The following PCGF6 variants were observed in gnomAD, a reference collection of about 807,000 sequenced individuals.
PCGF6 encodes polycomb group RING finger protein 6.
Under a neutral mutation model 45.5 loss-of-function variants are expected in PCGF6, and 24 were observed. The observed-to-expected ratio is 0.53, with a 90% CI of 0.38 to 0.74. The LOEUF is 0.74. Among genes scored for constraint, PCGF6 ranks in the 30% least tolerant of loss-of-function variants. The probability of loss-of-function intolerance (pLI) is 0.00; values close to 1 mark genes in which losing one functional copy is unlikely to be tolerated. For missense variants in PCGF6, 356 were observed against 443.2 expected (o/e 0.80, Z 1.77); for synonymous variants, 152 against 162.1 (o/e 0.94, Z 0.47).
intron 1 of PCGF6, 51 bp from the exon 2 acceptor site, chr10:103,349,050 A>AT: frequency 4.7e-6 from 7 of 1,484,284 alleles, no homozygotes; most frequent in South Asian, 1.2e-5. Flanking sequence ...CCTTTTACAA[A>AT]TTCTTTTTTT....
chr10:103,317,898 A>C (rs982726893), intron 8 of PCGF6, among the ~76,000 whole-genome samples: 1 of 151,724 alleles, frequency 6.6e-6, no homozygotes, highest in African/African-American at 2.4e-5. Context: ...AGCTGGGATT[A>C]CAGGCATGCA....
intron 6 of PCGF6, among the ~76,000 whole-genome samples, chr10:103,334,953 TCA>T (rs2093251465): frequency 6.6e-6 from 1 of 152,194 alleles, no homozygotes. Context: ...AAACTGAAAT[TCA>T]CACTCAGGTG....
intron 3 of PCGF6, 114 bp from the exon 4 acceptor site, chr10:103,347,564 G>A: frequency 2.5e-6 from 2 of 804,034 alleles, no homozygotes; most frequent in Non-Finnish European, 4.0e-6. Flanking sequence ...TCAGAGGTGA[G>A]TTACTTTTAA....
At chr10:103,343,832 C>A (rs866882415) in intron 6 of PCGF6, among the ~76,000 whole-genome samples, 85 of 32,454 alleles carry the variant, frequency 2.6e-3, no homozygotes, top group African/African-American at 6.9e-3. Context: ...AACTCTGTCT[C>A]AAAAAAAAAA....
At position 103,337,839 on chromosome 10, in the gene PCGF6, C is replaced by T. The variant is rs1450213618; in HGVS notation, c.783-3887G>A. ...CAGCACTTTGGGAGGCCGAGGCGGG[C>T]GGATCACGAGGTCAGGAGATCGAGA... On this transcript the variant is annotated intron_variant, in intron 6 of 9. Coordinates refer to ENST00000369847, the MANE Select transcript of PCGF6 (RefSeq NM_001011663.2). Among the ~76,000 whole-genome samples, 3 of 68,398 alleles carry T rather than the reference C, an allele frequency of 4.4e-5. 1 individual carries two copies. The highest frequency in any genetic ancestry group is 9.5e-5 in the Non-Finnish European group (3 of 31,414). The allele number at this position is 68,398 out of a possible 152,430, so 44.9% of individuals were successfully genotyped here. A position where few individuals can be genotyped will look rare whatever the true frequency, so the allele number is the denominator to read the frequency against.
intron 1 of PCGF6, among the ~76,000 whole-genome samples, chr10:103,349,338 G>A (rs866853072): frequency 6.6e-6 from 1 of 151,640 alleles, no homozygotes; most frequent in Non-Finnish European, 1.5e-5. Context: ...ATGAGCCACC[G>A]CGCTCAGTCC....
intron 8 of PCGF6, among the ~76,000 whole-genome samples, chr10:103,321,217 C>T (rs912642885): frequency 1.3e-5 from 2 of 152,068 alleles, no homozygotes; most frequent in East Asian, 1.9e-4. Context: ...CATGCACTGC[C>T]GCCTTGACCT....
intron 9 of PCGF6, among the ~76,000 whole-genome samples, chr10:103,306,102 C>CT (rs535887691): frequency 0.13 from 19,202 of 143,976 alleles, 1,270 homozygotes; most frequent in Middle Eastern, 0.19. Context: ...AGCAATCCAC[C>CT]TTTTTTTTTT....
rs188683814 is a variant in PCGF6, at chr10:103,326,385, T to C, written c.909+149A>G. 2.6e-3 allele frequency: 1,176 copies of C among 451,652 alleles called. 41 individuals are homozygous for C. The Admixed American group carries it at 0.051, about 20-fold the overall frequency. The allele number at this position is 451,652 out of a possible 1,614,324, so 28.0% of individuals were successfully genotyped here. On this transcript the variant is annotated intron_variant, in intron 8 of 9. Coordinates refer to ENST00000369847, the MANE Select transcript of PCGF6 (RefSeq NM_001011663.2). ...GCCTGGGCGACAGAGCAAGACTCCA[T>C]CTCAAAAAAAAAAAAAAAAAACAAT... is the stretch of plus-strand genomic sequence containing the variant.
At chr10:103,324,590 T>C (rs992958244) in intron 8 of PCGF6, among the ~76,000 whole-genome samples, 1 of 149,140 alleles carries the variant, frequency 6.7e-6, no homozygotes, top group South Asian at 2.1e-4. Context: ...TGAAACCCCG[T>C]CTCTACTAAA....
chr10:103,334,068 G>A, intron 6 of PCGF6, 116 bp from the exon 7 acceptor site: 1 of 674,152 alleles, frequency 1.5e-6, no homozygotes, highest in South Asian at 3.9e-5. Context: ...CTAGAACACA[G>A]TCACCTGAAG....
rs549006120 is a variant in PCGF6 at position 103,341,913 on chromosome 10, C to T, written c.782+3111G>A. 7.7e-4 allele frequency among the ~76,000 whole-genome samples: 117 copies of T among 151,842 alleles called. 1 individual carries two copies. The highest frequency in any genetic ancestry group is 1.4e-3 in the Non-Finnish European group (96 of 67,980). On this transcript the variant is annotated intron_variant, in intron 6 of 9. Coordinates refer to ENST00000369847, the MANE Select transcript of PCGF6 (RefSeq NM_001011663.2). ...TCCCAGACTCAATAGACTCCAGTGCCGCTTCCTAGGGGCACTGCCATTAAT... is the reference window on the plus strand; with the variant it reads ...TCCCAGACTCAATAGACTCCAGTGCTGCTTCCTAGGGGCACTGCCATTAAT...
In PCGF6 at chr10:103,348,796, G is replaced by A. The variant is rs764935670; in HGVS notation, c.477C>T (p.Ile159=). 14 of 1,612,766 alleles carry A rather than the reference G, an allele frequency of 8.7e-6. No individual in the cohort carries two copies. The highest frequency in any genetic ancestry group is 2.2e-5 in the South Asian group (2 of 90,812). Residue 159 remains isoleucine (I), a synonymous_variant, in exon 3 of 10, where the codon ATC becomes ATT. Coordinates refer to ENST00000369847, the MANE Select transcript of PCGF6 (RefSeq NM_001011663.2). The part of the protein sequence containing the change: ...ECLHTFCKSC[I]VRHFYYSNRC... The stretch of plus-strand genomic sequence containing the variant: ...TGTTGCTGTAGTAAAAATGTCTTAC[G>A]ATGCAGCTTTTACAAACTGTTGAAA...
intron 6 of PCGF6, among the ~76,000 whole-genome samples, chr10:103,337,552 C>T (rs2093261648): frequency 6.6e-6 from 1 of 152,132 alleles, no homozygotes; most frequent in Non-Finnish European, 1.5e-5. Flanking sequence ...TTCAACATAC[C>T]ATACTGTCTG....
chr10:103,329,904 G>A (rs879615888), intron 7 of PCGF6, among the ~76,000 whole-genome samples: 15 of 150,804 alleles, frequency 9.9e-5, no homozygotes, highest in South Asian at 2.1e-4. Context: ...TCAGCCTCCC[G>A]AGTAGCTGGG....
chr10:103,323,695 C>T (rs1240305705), intron 8 of PCGF6, among the ~76,000 whole-genome samples: 3 of 151,580 alleles, frequency 2.0e-5, no homozygotes, highest in East Asian at 1.9e-4. Context: ...CGGGTAATAG[C>T]GATTCTCTTG....
chr10:103,302,967 T>TA lies in PCGF6; in HGVS notation c.*937dup, dbSNP rs2093124453. 1 of 152,654 alleles carries TA rather than the reference T, an allele frequency of 6.6e-6. No individual in the cohort carries two copies. The highest frequency in any genetic ancestry group is 1.5e-5 in the Non-Finnish European group (1 of 68,052). The allele number at this position is 152,654 out of a possible 1,614,324, so 9.5% of individuals were successfully genotyped here. On this transcript the variant is annotated 3_prime_UTR_variant, in exon 10 of 10. Coordinates refer to ENST00000369847, the MANE Select transcript of PCGF6 (RefSeq NM_001011663.2). ...TTTCTTTCAGAAAGCATCACAATGC[T>TA]AATTTTAGGCAAATAATGTTTTAAA...
intron 5 of PCGF6, among the ~76,000 whole-genome samples, chr10:103,346,540 C>T (rs1051297101): frequency 6.6e-6 from 1 of 151,590 alleles, no homozygotes; most frequent in African/African-American, 2.4e-5. Flanking sequence ...AGGAGAATCG[C>T]TTGAGCCCAG....
At chr10:103,316,527 T>C (rs531805307) in intron 8 of PCGF6, among the ~76,000 whole-genome samples, 3 of 152,278 alleles carry the variant, frequency 2.0e-5, no homozygotes, top group Admixed American at 6.5e-5. Flanking sequence ...CATTAAACTT[T>C]CCTGAGATCA....
Sources: gnomAD v4.1 joint callset for allele counts (sites outside exome capture counted in the v4.1 genomes callset) on GRCh38, gnomAD v4.1.1 for gene constraint, MANE v1.5 for transcripts, NCBI Gene and HGNC (gene_info 2026-07-23, HGNC 2026-07-21) for gene names.